TNRC18: variants seen among roughly 807,000 people sequenced by gnomAD.
The protein encoded by TNRC18 is trinucleotide repeat-containing gene 18 protein.
A neutral mutation model predicts 226.7 loss-of-function variants in TNRC18; 69 were observed. The ratio of observed to expected loss-of-function variants is 0.30; its 90% CI spans 0.25 to 0.37. The LOEUF (loss-of-function observed/expected upper bound fraction) is 0.37, where lower values mean the gene tolerates loss of function less well. TNRC18 is among the 10% of genes least tolerant of loss of function. The pLI, the probability that TNRC18 is intolerant of heterozygous loss-of-function variation, is 1.00. For synonymous variants in TNRC18, 2,449 were observed against 1,927.6 expected (o/e 1.27, Z -7.09); for missense variants, 4,754 against 4,256.6 (o/e 1.12, Z -3.25).
At chr7:5,333,839 C>T (rs1236015468) in intron 18 of TNRC18, among the ~76,000 whole-genome samples, 1 of 152,232 alleles carries the variant, frequency 6.6e-6, no homozygotes, top group East Asian at 1.9e-4. Context: ...ATGGCCGCAC[C>T]TCTGTTGTCA....
intron 19 of TNRC18, among the ~76,000 whole-genome samples, chr7:5,328,065 T>C (rs995818769): frequency 6.7e-6 from 1 of 149,706 alleles, no homozygotes; most frequent in African/African-American, 2.5e-5. Context: ...CTACTAAAAA[T>C]ACAAAAATTA....
At chr7:5,345,451 TC>T (rs1353866581) in intron 18 of TNRC18, 110 bp downstream of exon 18, 1 of 1,125,886 alleles carries the variant, frequency 8.9e-7, no homozygotes, top group Non-Finnish European at 1.2e-6. Flanking sequence ...TTCTGCCCAT[TC>T]CCAGCTCTGC....
In TNRC18 at chr7:5,387,767, ACTGCAATGCCC is replaced by A; in HGVS notation, c.2046_2056del (p.Ile684CysfsTer28). 6.2e-7 allele frequency: 1 copy of A among 1,608,392 alleles called. No homozygotes were observed. Among genetic ancestry groups the A allele is most frequent in the Non-Finnish European group, 8.5e-7 (1 of 1,179,818 alleles). On this transcript the variant is annotated frameshift_variant, in exon 5 of 30. Coordinates refer to ENST00000430969, the MANE Select transcript of TNRC18 (RefSeq NM_001080495.3). LOFTEE classifies it high-confidence loss of function. Reference sequence around the variant, plus strand: ...ACTGTCCTTCTGCCGGGCCACAGCCACTGCAATGCCCACAGGCGGGTGTCGCACTTCTGCCT... The same window carrying A: ...ACTGTCCTTCTGCCGGGCCACAGCCAACAGGCGGGTGTCGCACTTCTGCCT...
rs1191090389 is a variant in TNRC18 at position 5,357,232 on chromosome 7, C to G, written c.4878G>C (p.Leu1626Phe). The G allele has an allele frequency of 1.2e-6, 2 of 1,612,634 alleles. No individual in the cohort carries two copies. The highest frequency in any genetic ancestry group is 1.7e-5 in the Admixed American group (1 of 59,794). The change falls in exon 16 of 30, where the codon TTG becomes TTC. Residue 1626 changes from leucine to phenylalanine, a missense_variant. Leu to Phe is a conservative substitution (Grantham distance 22). Transcript: ENST00000430969. The stretch of plus-strand genomic sequence containing the variant: ...AGAGGGCCTTGTCGAGCTTGCTTGC[C>G]AACTGCTCCTGGTCGCTGGCCATCT... ...KKKMASDQEQ[L>F]ASKLDKALSL...
At chr7:5,332,116 C>G (rs560910295) in intron 19 of TNRC18, among the ~76,000 whole-genome samples, 1 of 152,220 alleles carries the variant, frequency 6.6e-6, no homozygotes, top group Non-Finnish European at 1.5e-5. Context: ...TCTTCTGAGA[C>G]AGGAGAAAAG....
intron 2 of TNRC18, among the ~76,000 whole-genome samples, chr7:5,414,440 T>C (rs1032457719): frequency 4.0e-5 from 6 of 151,316 alleles, no homozygotes; most frequent in African/African-American, 1.2e-4. Flanking sequence ...TGAGACGGAG[T>C]CTCACTCTGT....
At chr7:5,327,989 A>T (rs1446377730) in intron 19 of TNRC18, among the ~76,000 whole-genome samples, 2 of 152,260 alleles carry the variant, frequency 1.3e-5, no homozygotes, top group East Asian at 3.9e-4. Context: ...CGGGAAGCCA[A>T]GGCAGGCGGA....
Position 5,365,458 on chromosome 7 carries a change from C to T in TNRC18, c.4220-2633G>A, listed in dbSNP as rs755433524. On this transcript the variant is annotated intron_variant, in intron 11 of 29. Transcript: ENST00000430969. ...AGCACATGGGCACATAGCTGGGACA[C>T]GTGTGACAGGAAGAGCCTCACCAGT... Among the ~76,000 whole-genome samples the T allele has an allele frequency of 1.1e-3, 161 of 151,758 alleles. 4 individuals carry two copies. The highest frequency in any genetic ancestry group is 3.7e-4 in the Non-Finnish European group (25 of 67,974).
At chr7:5,385,758 G>C (rs866092561) in intron 5 of TNRC18, among the ~76,000 whole-genome samples, 1 of 151,504 alleles carries the variant, frequency 6.6e-6, no homozygotes, top group Non-Finnish European at 1.5e-5. Context: ...TGGATCAACT[G>C]CGGCCAGGAG....
At chr7:5,373,767 G>A (rs894411220) in intron 10 of TNRC18, among the ~76,000 whole-genome samples, 4 of 152,176 alleles carry the variant, frequency 2.6e-5, no homozygotes, top group Non-Finnish European at 4.4e-5. Flanking sequence ...CATGCTGAGC[G>A]TGTGACAGGT....
At chr7:5,389,944 C>G (rs1325891859) in intron 4 of TNRC18, 1 of 129,240 alleles carries the variant, frequency 7.7e-6, no homozygotes, top group Non-Finnish European at 1.7e-5. Flanking sequence ...AAAGGAGAGA[C>G]CAGGGTTTGT....
At chr7:5,311,197 C>CGTGTGTGT (rs911278112) in intron 27 of TNRC18, among the ~76,000 whole-genome samples, 6 of 151,856 alleles carry the variant, frequency 4.0e-5, no homozygotes, top group South Asian at 2.1e-4. Flanking sequence ...CACATATGTG[C>CGTGTGTGT]GTGTGTGTGT....
At chr7:5,315,778 C>T (rs982769499) in intron 25 of TNRC18, among the ~76,000 whole-genome samples, 178 bp downstream of exon 25, 3 of 152,238 alleles carry the variant, frequency 2.0e-5, no homozygotes, top group Non-Finnish European at 4.4e-5. Flanking sequence ...GTGCTGTCCT[C>T]ATGGACCCAG....
intron 5 of TNRC18, among the ~76,000 whole-genome samples, chr7:5,381,773 C>G (rs10258331): frequency 0.23 from 35,618 of 152,118 alleles, 8,126 homozygotes; most frequent in African/African-American, 0.6. Flanking sequence ...CAAGACCAGC[C>G]TGGCTAACAT....
intron 17 of TNRC18, 80 bp from the exon 18 acceptor site, chr7:5,345,890 G>T: frequency 6.8e-7 from 1 of 1,472,362 alleles, no homozygotes; most frequent in South Asian, 1.4e-5. Flanking sequence ...GGCCCAGAGT[G>T]GCCTCTGGGC....
intron 11 of TNRC18, among the ~76,000 whole-genome samples, chr7:5,366,012 G>A (rs376354582): frequency 3.3e-5 from 5 of 152,096 alleles, no homozygotes; most frequent in East Asian, 1.9e-4. Context: ...CGGAGACTGC[G>A]GTGAGCCGAA....
chr7:5,317,023 C>G lies in TNRC18; in HGVS notation c.6746-951G>C, dbSNP rs111511480. 5.3e-5 allele frequency among the ~76,000 whole-genome samples: 8 copies of G among 152,196 alleles called. No individual in the cohort carries two copies. The East Asian group carries it at 1.2e-3, about 22-fold the overall frequency. On this transcript the variant is annotated intron_variant, in intron 24 of 29. Transcript: ENST00000430969. Reference sequence around the variant, plus strand: ...GCAGGGAGGAGGTTGGACAGGCCCCCCAAAGGGTGATAGCCCAGCCCTCTT... The same window carrying G: ...GCAGGGAGGAGGTTGGACAGGCCCCGCAAAGGGTGATAGCCCAGCCCTCTT...
chr7:5,346,343 G>A (rs1465670235), intron 17 of TNRC18, among the ~76,000 whole-genome samples: 1 of 152,136 alleles, frequency 6.6e-6, no homozygotes, highest in Non-Finnish European at 1.5e-5. Flanking sequence ...CTCTTCCTGG[G>A]GGCCAGGGGA....
intron 2 of TNRC18, among the ~76,000 whole-genome samples, chr7:5,410,884 AG>A (rs1335353334): frequency 2.0e-5 from 3 of 146,572 alleles, no homozygotes; most frequent in African/African-American, 2.5e-5. Flanking sequence ...AAAAAAAAAA[AG>A]GGAAGAGAAA....
Sources: allele counts gnomAD v4.1 joint callset (sites outside exome capture counted in the v4.1 genomes callset), GRCh38; gene constraint gnomAD v4.1.1; transcripts MANE v1.5; gene names NCBI Gene and HGNC (gene_info 2026-07-23, HGNC 2026-07-21).